Variants in PITPNC1 observed in about 807,000 individuals in gnomAD.
PITPNC1 encodes the protein phosphatidylinositol transfer protein cytoplasmic 1, also known as cytoplasmic phosphatidylinositol transfer protein 1.
In PITPNC1, 18 loss-of-function variants were observed where a neutral mutation model predicts 44.7. The observed-to-expected ratio is 0.40, with a 90% CI of 0.28 to 0.60. The LOEUF (loss-of-function observed/expected upper bound fraction) is 0.60. Ranked by LOEUF, PITPNC1 falls within the 20% of genes least tolerant of loss-of-function variation. The pLI, the probability that PITPNC1 is intolerant of heterozygous loss-of-function variation, is 0.39. For synonymous variants in PITPNC1, 141 were observed against 149.6 expected (o/e 0.94, Z 0.42); for missense variants, 290 against 418.4 (o/e 0.69, Z 2.68).
chr17:67,621,122 C>A (rs1326278879), intron 5 of PITPNC1, among the ~76,000 whole-genome samples: 1 of 152,084 alleles, frequency 6.6e-6, no homozygotes, highest in East Asian at 1.9e-4. Flanking sequence ...CATTATGGAC[C>A]TATATTGAGT....
chr17:67,522,686 C>G (rs2040342756), intron 1 of PITPNC1, among the ~76,000 whole-genome samples: 1 of 87,374 alleles, frequency 1.1e-5, no homozygotes, highest in Admixed American at 1.4e-4. Context: ...AAAATGAGGT[C>G]TCACTTGCTT....
rs145340554 is a variant in PITPNC1 at position 67,442,443 on chromosome 17, G to T, written c.48+64241G>T. Among the ~76,000 whole-genome samples the T allele has an allele frequency of 6.2e-3, 940 of 151,106 alleles. 5 individuals carry two copies. The highest frequency in any genetic ancestry group is 0.021 in the African/African-American group (860 of 41,254). ...GTGGGATGGGCATTCTGCAGCCAGT[G>T]GGGAAGAAGGCAGGGCCCTAAAACA... On this transcript the variant is annotated intron_variant, in intron 1 of 8. Transcript: ENST00000581322.
chr17:67,580,917 C>A (rs77559915), intron 5 of PITPNC1, among the ~76,000 whole-genome samples: 1,652 of 152,280 alleles, frequency 0.011, 32 homozygotes, highest in African/African-American at 0.038. Context: ...CGTGGTGGCA[C>A]ACACACCTGT....
rs1046397977 is a variant in PITPNC1 at position 67,433,205 on chromosome 17, T to G, written c.48+55003T>G. Among the ~76,000 whole-genome samples, 27 of 152,148 alleles carry G rather than the reference T, an allele frequency of 1.8e-4. 1 individual carries two copies. The highest frequency in any genetic ancestry group is 6.0e-4 in the African/African-American group (25 of 41,430). On this transcript the variant is annotated intron_variant, in intron 1 of 8. Transcript: ENST00000581322. ...CTATAGTTTTCCTGTCTCCTGGCAG[T>G]CAGTGCCAGGAAAGAATTTAGTTGG...
At chr17:67,394,755 G>A (rs367741018) in intron 1 of PITPNC1, among the ~76,000 whole-genome samples, 10 of 152,112 alleles carry the variant, frequency 6.6e-5, no homozygotes, top group African/African-American at 2.2e-4. Context: ...TTAGCCAGGC[G>A]TGGTGGCGGG....
Position 67,489,919 on chromosome 17 carries a change from T to G in PITPNC1, c.49-42883T>G, listed in dbSNP as rs528189613. The stretch of plus-strand genomic sequence containing the variant: ...CCACCACGCCCGGCTAATTTTTGTA[T>G]TTTTAGTAGAGACGGGGTTTCACCA... On this transcript the variant is annotated intron_variant, in intron 1 of 8. Transcript: ENST00000581322. 1.4e-4 allele frequency among the ~76,000 whole-genome samples: 22 copies of G among 152,168 alleles called. No individual in the cohort carries two copies. In the Middle Eastern group the frequency reaches 0.01, roughly 71 times the overall value.
At chr17:67,490,870 C>T (rs2039855022) in intron 1 of PITPNC1, among the ~76,000 whole-genome samples, 1 of 152,132 alleles carries the variant, frequency 6.6e-6, no homozygotes, top group African/African-American at 2.4e-5. Context: ...CTGTTTATAT[C>T]AACATTTCTT....
At chr17:67,562,370 A>G (rs547710925) in intron 4 of PITPNC1, among the ~76,000 whole-genome samples, 79 of 152,110 alleles carry the variant, frequency 5.2e-4, no homozygotes, top group Non-Finnish European at 5.7e-4. Context: ...CCTTCCACAC[A>G]GTCCCTTCCT....
rs78277747 is a variant in PITPNC1 at position 67,578,697 on chromosome 17, A to T, written c.366+440A>T. ...TGTATGTGTGAACAGAAAAGGAAATACAGGCCTGGTGCAGTGGCTCACGCC... is the reference window on the plus strand; with the variant it reads ...TGTATGTGTGAACAGAAAAGGAAATTCAGGCCTGGTGCAGTGGCTCACGCC... On this transcript the variant is annotated intron_variant, in intron 5 of 8. Transcript: ENST00000581322. Among the ~76,000 whole-genome samples, 1,041 of 152,362 alleles carry T rather than the reference A, an allele frequency of 6.8e-3. 14 individuals carry two copies. The highest frequency in any genetic ancestry group is 0.024 in the African/African-American group (987 of 41,588).
chr17:67,647,631 GA>G lies in PITPNC1; in HGVS notation c.462+15403del, dbSNP rs796736364. On this transcript the variant is annotated intron_variant, in intron 6 of 8. Transcript: ENST00000581322. Reference sequence around the variant, plus strand: ...CAGCCCAGGAAGCTATTTTTAAAAAGAAAAAAAAAAGCCATTAGTCACCAAA... The same window carrying G: ...CAGCCCAGGAAGCTATTTTTAAAAAGAAAAAAAAAGCCATTAGTCACCAAA... Among the ~76,000 whole-genome samples the G allele has an allele frequency of 1.7e-4, 24 of 144,642 alleles. No homozygotes were observed. In the East Asian group the frequency reaches 2.4e-3, roughly 14 times the overall value. The allele number at this position is 144,642 out of a possible 152,430, so 94.9% of individuals were successfully genotyped here. A position where few individuals can be genotyped will look rare whatever the true frequency, so the allele number is the denominator to read the frequency against.
intron 1 of PITPNC1, among the ~76,000 whole-genome samples, chr17:67,494,185 T>TTCTTTTTTTCTTTCTTTCTTTCTTTC: frequency 2.0e-5 from 2 of 102,428 alleles, no homozygotes; most frequent in East Asian, 5.8e-4. Flanking sequence ...CTTTCTTTCT[T>TTCTTTTTTTCTTTCTTTCTTTCTTTC]TTTCTTTCTT....
intron 5 of PITPNC1, among the ~76,000 whole-genome samples, chr17:67,619,689 A>G (rs11658071): frequency 0.48 from 72,366 of 151,914 alleles, 19,580 homozygotes; most frequent in Non-Finnish European, 0.6. Flanking sequence ...TTCCACCATC[A>G]GGTGCTCCTC....
intron 1 of PITPNC1, among the ~76,000 whole-genome samples, chr17:67,511,641 T>A (rs915734677): frequency 5.3e-5 from 8 of 152,188 alleles, no homozygotes; most frequent in African/African-American, 1.9e-4. Flanking sequence ...CCCGAGTAGC[T>A]GGGATTACAG....
intron 1 of PITPNC1, among the ~76,000 whole-genome samples, chr17:67,516,675 G>T (rs1265889831): frequency 2.0e-5 from 3 of 152,152 alleles, no homozygotes; most frequent in African/African-American, 2.4e-5. Context: ...GCCCAGGCTG[G>T]AGTGCAGTAG....
intron 1 of PITPNC1, among the ~76,000 whole-genome samples, chr17:67,406,441 C>G (rs768063112): frequency 5.9e-5 from 9 of 152,154 alleles, no homozygotes; most frequent in Non-Finnish European, 1.2e-4. Context: ...CTATTCTGGA[C>G]ATTTCATGTA....
intron 1 of PITPNC1, among the ~76,000 whole-genome samples, chr17:67,378,790 C>T (rs2143770280): frequency 6.6e-6 from 1 of 152,310 alleles, no homozygotes; most frequent in East Asian, 1.9e-4. Context: ...CGGCTGTGTC[C>T]TTTCGCAAAC....
intron 5 of PITPNC1, among the ~76,000 whole-genome samples, chr17:67,591,850 C>T (rs1488009208): frequency 6.6e-6 from 1 of 151,728 alleles, no homozygotes; most frequent in East Asian, 1.9e-4. Flanking sequence ...GCTGGGACTA[C>T]AGGAGCACAT....
At chr17:67,434,888 C>T (rs902363114) in intron 1 of PITPNC1, among the ~76,000 whole-genome samples, 10 of 151,666 alleles carry the variant, frequency 6.6e-5, no homozygotes, top group South Asian at 2.1e-4. Context: ...GTGGGTGGAT[C>T]GCCTGAGGTC....
chr17:67,521,300 A>C (rs550734690), intron 1 of PITPNC1, among the ~76,000 whole-genome samples: 31 of 152,312 alleles, frequency 2.0e-4, no homozygotes, highest in African/African-American at 7.5e-4. Flanking sequence ...TTTTTGAATT[A>C]AATGTTGATA....
Sources: allele counts gnomAD v4.1 joint callset (sites outside exome capture counted in the v4.1 genomes callset), GRCh38; gene constraint gnomAD v4.1.1; transcripts MANE v1.5; gene names NCBI Gene and HGNC (gene_info 2026-07-23, HGNC 2026-07-21).